Variants in PDE3A observed in about 807,000 individuals in gnomAD.
PDE3A encodes cGMP-inhibited 3',5'-cyclic phosphodiesterase 3A.
Under a neutral mutation model 98.3 loss-of-function variants are expected in PDE3A, and 43 were observed. The ratio of observed to expected loss-of-function variants is 0.44; its 90% CI spans 0.34 to 0.56. The LOEUF is 0.56. Ranked by LOEUF, PDE3A falls within the 20% of genes least tolerant of loss-of-function variation. PDE3A has a pLI of 0.01. For missense variants in PDE3A, 1,427 were observed against 1,440.7 expected, an observed-to-expected ratio of 0.99 and a Z score of 0.15; for synonymous variants, 663 against 567.9, an observed-to-expected ratio of 1.17 and a Z score of -2.38.
chr12:20,500,274 A>G (rs778995427), intron 1 of PDE3A, among the ~76,000 whole-genome samples: 2 of 152,200 alleles, frequency 1.3e-5, no homozygotes, highest in African/African-American at 4.8e-5. Context: ...ATTAGATATG[A>G]TAAAGTAGAA....
intron 1 of PDE3A, among the ~76,000 whole-genome samples, chr12:20,510,880 T>C (rs780960522): frequency 7.9e-5 from 12 of 152,064 alleles, no homozygotes; most frequent in Non-Finnish European, 1.5e-4. Context: ...CCTTCATTCA[T>C]TTGCTCAAAA....
At chr12:20,375,860 C>T (rs61911341) in intron 1 of PDE3A, among the ~76,000 whole-genome samples, 3,206 of 151,946 alleles carry the variant, frequency 0.021, 54 homozygotes, top group East Asian at 0.036. Flanking sequence ...GGCTCCAGGA[C>T]TCATTCATCT....
intron 6 of PDE3A, 145 bp downstream of exon 6, chr12:20,630,272 A>G: frequency 1.6e-6 from 1 of 620,638 alleles, no homozygotes; most frequent in Non-Finnish European, 2.9e-6. Flanking sequence ...TTTGTGTTGA[A>G]TAGGCTACAA....
chr12:20,396,347 C>T (rs1470304853), intron 1 of PDE3A, among the ~76,000 whole-genome samples: 1 of 152,010 alleles, frequency 6.6e-6, no homozygotes, highest in Admixed American at 6.6e-5. Flanking sequence ...CATGTTGATG[C>T]CTTTATCGCC....
At chr12:20,674,042 T>C (rs1225790813) in intron 15 of PDE3A, among the ~76,000 whole-genome samples, 1 of 152,176 alleles carries the variant, frequency 6.6e-6, no homozygotes, top group African/African-American at 2.4e-5. Context: ...TCTTTATCCA[T>C]CTTGGTTAAA....
intron 1 of PDE3A, among the ~76,000 whole-genome samples, chr12:20,543,460 C>T (rs747762222): frequency 7.2e-5 from 11 of 151,864 alleles, no homozygotes; most frequent in Middle Eastern, 3.2e-3. Flanking sequence ...CTACTCTTTA[C>T]GCTTGAGGAA....
intron 3 of PDE3A, among the ~76,000 whole-genome samples, chr12:20,615,670 A>G (rs776222922): frequency 6.6e-6 from 1 of 152,196 alleles, no homozygotes; most frequent in Non-Finnish European, 1.5e-5. Flanking sequence ...TCTCACTCCT[A>G]TAATCACATA....
intron 14 of PDE3A, among the ~76,000 whole-genome samples, chr12:20,652,884 A>G (rs1281990796): frequency 6.6e-6 from 1 of 152,230 alleles, no homozygotes; most frequent in African/African-American, 2.4e-5. Flanking sequence ...ATCAGAGTGA[A>G]CAGGCAACCT....
At chr12:20,468,071 A>G (rs1945374895) in intron 1 of PDE3A, among the ~76,000 whole-genome samples, 1 of 148,860 alleles carries the variant, frequency 6.7e-6, no homozygotes, top group Non-Finnish European at 1.5e-5. Flanking sequence ...ATTTTGTCCC[A>G]TATGTTTAAA....
At chr12:20,676,374 T>C (rs889761624) in intron 15 of PDE3A, among the ~76,000 whole-genome samples, 3 of 152,146 alleles carry the variant, frequency 2.0e-5, no homozygotes, top group African/African-American at 7.2e-5. Context: ...GACTTGAATA[T>C]ATTATCCCAT....
At chr12:20,551,008 AATAT>A (rs1043571503) in intron 1 of PDE3A, among the ~76,000 whole-genome samples, 1 of 150,174 alleles carries the variant, frequency 6.7e-6, no homozygotes, top group African/African-American at 2.4e-5. Flanking sequence ...TATGTGTGTA[AATAT>A]ATATATACAA....
Position 20,369,184 on chromosome 12 carries a change from TGC to T in PDE3A, c.-99_-98del. The T allele has an allele frequency of 1.4e-6, 1 of 705,020 alleles. No individual in the cohort carries two copies. The highest frequency in any genetic ancestry group is 2.2e-6 in the Non-Finnish European group (1 of 458,558). The allele number at this position is 705,020 out of a possible 1,614,324, so 43.7% of individuals were successfully genotyped here. A position where few individuals can be genotyped will look rare whatever the true frequency, so the allele number is the denominator to read the frequency against. ...TCCGAGGGTGGAATTGGGAAGAGCG[TGC>T]GTGCGTGTGTGTGTGTGTGTGTGTG... On this transcript the variant is annotated 5_prime_UTR_variant, in exon 1 of 16. Coordinates refer to ENST00000359062, the MANE Select transcript of PDE3A (RefSeq NM_000921.5).
intron 1 of PDE3A, among the ~76,000 whole-genome samples, chr12:20,431,984 T>A (rs983806767): frequency 3.9e-5 from 6 of 152,206 alleles, no homozygotes; most frequent in Non-Finnish European, 5.9e-5. Flanking sequence ...ACTTTTAAAA[T>A]GCATGCTTAG....
chr12:20,377,350 C>T (rs887587872), intron 1 of PDE3A, among the ~76,000 whole-genome samples: 1 of 151,774 alleles, frequency 6.6e-6, no homozygotes, highest in Non-Finnish European at 1.5e-5. Context: ...TTTAACCCAG[C>T]ATAGCATGTC....
Position 20,557,127 on chromosome 12 carries a change from CTAAAT to C in PDE3A, c.1011+421_1011+425del, listed in dbSNP as rs1381012331. 4 of 172,302 alleles carry C rather than the reference CTAAAT, an allele frequency of 2.3e-5. No individual in the cohort carries two copies. In the Admixed American group the frequency reaches 2.5e-4, roughly 11 times the overall value. 10.7% of individuals were successfully genotyped at this position (172,302 alleles called of 1,614,324 possible). On this transcript the variant is annotated intron_variant, in intron 2 of 15. Transcript: ENST00000359062. ...CTGAACTAATTACAAGATTTTGTCT[CTAAAT>C]TAACTCTCTTCATCTGAGGGAAACA...
At chr12:20,670,975 G>A (rs1220585961) in intron 15 of PDE3A, among the ~76,000 whole-genome samples, 1 of 120,950 alleles carries the variant, frequency 8.3e-6, no homozygotes, top group Non-Finnish European at 1.7e-5. Flanking sequence ...GAAAAAAAGA[G>A]AGAAGAATCA....
chr12:20,441,092 G>A (rs1182668528), intron 1 of PDE3A, among the ~76,000 whole-genome samples: 19 of 152,054 alleles, frequency 1.2e-4, no homozygotes, highest in African/African-American at 4.1e-4. Context: ...AGTACTGTTG[G>A]GAGTATAATG....
rs1941842246 is a variant in PDE3A, at chr12:20,539,569, A to G, written c.961-17091A>G. Among the ~76,000 whole-genome samples the G allele has an allele frequency of 2.0e-5, 3 of 152,126 alleles. No homozygotes were observed. In the South Asian group the frequency reaches 6.2e-4, roughly 32 times the overall value. ...TAAGACTGGCCACTTTTGTTCACTT[A>G]ATAAAACCCAGCACCTAATACCATG... On this transcript the variant is annotated intron_variant, in intron 1 of 15. Transcript: ENST00000359062.
intron 2 of PDE3A, among the ~76,000 whole-genome samples, chr12:20,560,805 T>C (rs1942497086): frequency 1.3e-5 from 2 of 152,080 alleles, no homozygotes; most frequent in South Asian, 4.1e-4. Context: ...TGTGCTTTCT[T>C]CCAGAGTGGT....
Sources: allele counts gnomAD v4.1 joint callset (sites outside exome capture counted in the v4.1 genomes callset), GRCh38; gene constraint gnomAD v4.1.1; transcripts MANE v1.5; gene names NCBI Gene and HGNC (gene_info 2026-07-23, HGNC 2026-07-21).